CSMD3: variants seen among roughly 807,000 people sequenced by gnomAD.
CSMD3 encodes CUB and sushi domain-containing protein 3.
CSMD3 carries 177 observed loss-of-function variants against 435.2 expected under a neutral mutation model. The observed-to-expected ratio is 0.41, with a 90% confidence interval of 0.36 to 0.46. CSMD3 has a LOEUF of 0.46. CSMD3 is among the 20% of genes least tolerant of loss of function. The pLI, the probability that CSMD3 is intolerant of heterozygous loss-of-function variation, is 0.34. For synonymous variants in CSMD3, 1,656 were observed against 1,520.5 expected (o/e 1.09, Z -2.07); for missense variants, 4,265 against 4,504.6 (o/e 0.95, Z 1.52).
At chr8:112,714,867 T>A (rs1348103651) in intron 13 of CSMD3, among the ~76,000 whole-genome samples, 1 of 152,146 alleles carries the variant, frequency 6.6e-6, no homozygotes, top group Non-Finnish European at 1.5e-5. Context: ...AGAAGTTCTT[T>A]GAAACCAATG....
intron 22 of CSMD3, among the ~76,000 whole-genome samples, chr8:112,594,110 G>T (rs1295844488): frequency 6.6e-6 from 1 of 152,168 alleles, no homozygotes; most frequent in African/African-American, 2.4e-5. Context: ...GAGGTACCGG[G>T]TTCATCTCAC....
chr8:112,626,811 G>A (rs1193522457), intron 22 of CSMD3, among the ~76,000 whole-genome samples: 1 of 152,004 alleles, frequency 6.6e-6, no homozygotes, highest in Non-Finnish European at 1.5e-5. Flanking sequence ...AACCAGTTTG[G>A]GGATACATAC....
chr8:113,009,110 T>C (rs1392499451), intron 6 of CSMD3, among the ~76,000 whole-genome samples: 2 of 151,800 alleles, frequency 1.3e-5, no homozygotes, highest in African/African-American at 2.4e-5. Context: ...TATTTATATA[T>C]GTGTGTTATA....
At chr8:112,549,845 T>C (rs1827521863) in intron 27 of CSMD3, among the ~76,000 whole-genome samples, 1 of 151,990 alleles carries the variant, frequency 6.6e-6, no homozygotes, top group African/African-American at 2.4e-5. Flanking sequence ...ACAGCCAGAA[T>C]TTGAATTCCG....
rs931839836 is a variant in CSMD3 at position 113,331,170 on chromosome 8, C to A, written c.179-16377G>T. ...AACGAAATAAGGGTTATAAGGAATT[C>A]TATGAATTAAAAAGTTAGATTATTC... is the stretch of plus-strand genomic sequence containing the variant. On this transcript the variant is annotated intron_variant, in intron 1 of 70. Transcript: ENST00000297405. Among the ~76,000 whole-genome samples the A allele has an allele frequency of 3.3e-5, 5 of 151,386 alleles. No individual in the cohort carries two copies. The East Asian group carries it at 7.7e-4, about 23-fold the overall frequency.
chr8:112,546,420 G>A (rs1309394268), intron 27 of CSMD3, among the ~76,000 whole-genome samples: 1 of 152,126 alleles, frequency 6.6e-6, no homozygotes, highest in Admixed American at 6.6e-5. Context: ...AAAGGCAGGG[G>A]CACCATGCAA....
Position 112,341,470 on chromosome 8 carries a change from C to G in CSMD3, c.6652+7G>C. 6.4e-7 allele frequency: 1 copy of G among 1,556,590 alleles called. No homozygotes were observed. The highest frequency in any genetic ancestry group is 8.8e-7 in the Non-Finnish European group (1 of 1,130,348). On this transcript the variant is annotated splice_region_variant and intron_variant, in intron 42 of 70. Transcript: ENST00000297405. ...TATAAATTTTCATTTTTTATTATTT[C>G]TCTTACCTTGGTATACAATATGAAA...
At chr8:112,759,260 G>A (rs2077775728) in intron 13 of CSMD3, among the ~76,000 whole-genome samples, 3 of 152,092 alleles carry the variant, frequency 2.0e-5, no homozygotes, top group Admixed American at 2.0e-4. Flanking sequence ...ATTATATTAA[G>A]TGATACACAT....
Position 112,688,509 on chromosome 8 carries a change from C to T in CSMD3, c.2155+1359G>A, listed in dbSNP as rs984679314. Among the ~76,000 whole-genome samples the T allele has an allele frequency of 4.6e-5, 7 of 152,200 alleles. No homozygotes were observed. The South Asian group carries it at 1.4e-3, about 32-fold the overall frequency. On this transcript the variant is annotated intron_variant, in intron 14 of 70. Transcript: ENST00000297405. ...TAGAATTTTGACTAAAATTGCAAAG[C>T]AATTTCTGTATAACTCATGTATTTG...
At chr8:112,442,904 A>G (rs6469418) in intron 32 of CSMD3, among the ~76,000 whole-genome samples, 123,854 of 152,178 alleles carry the variant, frequency 0.81, 50,988 homozygotes, top group African/African-American at 0.93. Flanking sequence ...TCAGAGCAGA[A>G]TAATCCCTGT....
chr8:112,876,006 T>C (rs2081271725), intron 10 of CSMD3, among the ~76,000 whole-genome samples: 1 of 152,160 alleles, frequency 6.6e-6, no homozygotes, highest in African/African-American at 2.4e-5. Flanking sequence ...TTCTGGTTTT[T>C]AAATTTTCAA....
At chr8:112,275,723 T>G (rs1366672728) in intron 59 of CSMD3, among the ~76,000 whole-genome samples, 1 of 152,134 alleles carries the variant, frequency 6.6e-6, no homozygotes, top group Non-Finnish European at 1.5e-5. Flanking sequence ...CTTGTGAGAC[T>G]TATTCACTAC....
chr8:112,534,290 G>A (rs1825834977), intron 27 of CSMD3, among the ~76,000 whole-genome samples: 1 of 151,928 alleles, frequency 6.6e-6, no homozygotes, highest in East Asian at 1.9e-4. Context: ...GACTAATAAA[G>A]AAGAAAAGAG....
chr8:113,178,738 G>T (rs1274000604), intron 3 of CSMD3, among the ~76,000 whole-genome samples: 1 of 151,746 alleles, frequency 6.6e-6, no homozygotes, highest in African/African-American at 2.4e-5. Flanking sequence ...AAAAGTATAA[G>T]AATCAAAGTA....
chr8:113,357,279 A>C (rs1342603443), intron 1 of CSMD3, among the ~76,000 whole-genome samples: 1 of 152,010 alleles, frequency 6.6e-6, no homozygotes, highest in Non-Finnish European at 1.5e-5. Flanking sequence ...GTGTTATTTC[A>C]CTCTCGTTTC....
chr8:112,317,315 G>A (rs867664083), intron 47 of CSMD3, among the ~76,000 whole-genome samples: 12 of 151,844 alleles, frequency 7.9e-5, no homozygotes, highest in Admixed American at 2.0e-4. Flanking sequence ...ACTTTAATTC[G>A]TAAAAAATTT....
chr8:112,971,685 A>G (rs1237429559), intron 7 of CSMD3, among the ~76,000 whole-genome samples: 3 of 152,178 alleles, frequency 2.0e-5, no homozygotes, highest in Non-Finnish European at 2.9e-5. Context: ...TTTGAGGACT[A>G]TTGTACACTA....
chr8:112,413,615 T>G (rs1811590503), intron 32 of CSMD3, among the ~76,000 whole-genome samples: 1 of 152,166 alleles, frequency 6.6e-6, no homozygotes, highest in Non-Finnish European at 1.5e-5. Flanking sequence ...GGAAACAGTA[T>G]AGTGGGTGCC....
chr8:112,694,787 T>C (rs2076216229), intron 13 of CSMD3, among the ~76,000 whole-genome samples: 2 of 152,152 alleles, frequency 1.3e-5, no homozygotes, highest in Non-Finnish European at 2.9e-5. Context: ...TAGTTATTCA[T>C]TTATAAAACC....
Sources: gnomAD v4.1 joint callset for allele counts (sites outside exome capture counted in the v4.1 genomes callset) on GRCh38, gnomAD v4.1.1 for gene constraint, MANE v1.5 for transcripts, NCBI Gene and HGNC (gene_info 2026-07-23, HGNC 2026-07-21) for gene names.